Variants in GABRR1 observed in about 807,000 individuals in gnomAD.
The protein encoded by GABRR1 is gamma-aminobutyric acid receptor subunit rho-1.
Under a neutral mutation model 55.5 loss-of-function variants are expected in GABRR1, and 59 were observed. The ratio of observed to expected loss-of-function variants is 1.06; its 90% CI spans 0.86 to 1.32. The LOEUF (loss-of-function observed/expected upper bound fraction) is 1.32. Among genes scored for constraint, GABRR1 ranks in the 40% most tolerant of loss-of-function variants. The pLI is 0.00. For missense variants in GABRR1, 602 were observed against 619.1 expected (o/e 0.97, Z 0.29); for synonymous variants, 213 against 226.0 (o/e 0.94, Z 0.51).
At chr6:89,190,486 CTT>C (rs1426785854) in intron 5 of GABRR1, among the ~76,000 whole-genome samples, 1 of 152,118 alleles carries the variant, frequency 6.6e-6, no homozygotes, top group African/African-American at 2.4e-5. Flanking sequence ...TCTACTAACT[CTT>C]ATCACATTCA....
intron 5 of GABRR1, among the ~76,000 whole-genome samples, chr6:89,190,796 A>T (rs1772062826): frequency 6.6e-6 from 1 of 152,236 alleles, no homozygotes; most frequent in Admixed American, 6.5e-5. Flanking sequence ...CTTGGAGATC[A>T]AAGTAATGGA....
chr6:89,187,822 A>G (rs542982881), intron 6 of GABRR1, among the ~76,000 whole-genome samples: 22 of 152,074 alleles, frequency 1.4e-4, no homozygotes, highest in Admixed American at 1.4e-3. Flanking sequence ...AAGGCCGAAC[A>G]CTCTTCCACT....
chr6:89,195,042 G>A (rs1772216832), intron 5 of GABRR1, among the ~76,000 whole-genome samples: 1 of 152,076 alleles, frequency 6.6e-6, no homozygotes, highest in Admixed American at 6.6e-5. Flanking sequence ...GAAGGTCTGA[G>A]GACACCAAAC....
chr6:89,231,133 C>A (rs1049307474), intron 1 of GABRR1: 2 of 153,520 alleles, frequency 1.3e-5, no homozygotes, highest in South Asian at 2.0e-4. Context: ...GCGCACGGTG[C>A]GCGCACCCAC....
intron 5 of GABRR1, among the ~76,000 whole-genome samples, chr6:89,197,256 G>T (rs1257171500): frequency 6.6e-6 from 1 of 152,174 alleles, no homozygotes; most frequent in East Asian, 1.9e-4. Flanking sequence ...CCATTCATCA[G>T]CACGGAAGCC....
intron 1 of GABRR1, among the ~76,000 whole-genome samples, chr6:89,230,964 G>A (rs1439967622): frequency 3.3e-5 from 5 of 151,762 alleles, no homozygotes; most frequent in Non-Finnish European, 7.4e-5. Flanking sequence ...ATAGTCTCGT[G>A]GTGCGCCGTT....
rs1375306137 is a variant in GABRR1 at position 89,199,355 on chromosome 6, C to T, written c.348+7G>A. On this transcript the variant is annotated splice_region_variant and intron_variant, in intron 4 of 9. Coordinates refer to ENST00000454853, the MANE Select transcript of GABRR1 (RefSeq NM_002042.5). ...CCTGCCACGGCCCTGGTCAGAGAAGCACTTACCATGTCAACCTCTGAGATG... is the reference window on the plus strand; with the variant it reads ...CCTGCCACGGCCCTGGTCAGAGAAGTACTTACCATGTCAACCTCTGAGATG... The T allele has an allele frequency of 6.2e-7, 1 of 1,613,388 alleles. No individual in the cohort carries two copies. The highest frequency in any genetic ancestry group is 8.5e-7 in the Non-Finnish European group (1 of 1,179,586).
chr6:89,194,060 G>T lies in GABRR1; in HGVS notation c.573-3813C>A, dbSNP rs186471222. ...GATTTGTCCTTACCTTAACCAACAGGAAGCATCATGATTGCCTGAAGGGAG... is the reference window on the plus strand; with the variant it reads ...GATTTGTCCTTACCTTAACCAACAGTAAGCATCATGATTGCCTGAAGGGAG... On this transcript the variant is annotated intron_variant, in intron 5 of 9. Coordinates refer to ENST00000454853, the MANE Select transcript of GABRR1 (RefSeq NM_002042.5). Among the ~76,000 whole-genome samples, 241 of 152,272 alleles carry T rather than the reference G, an allele frequency of 1.6e-3. 1 individual carries two copies. The highest frequency in any genetic ancestry group is 5.4e-3 in the African/African-American group (226 of 41,562).
chr6:89,182,189 G>C, intron 7 of GABRR1, 132 bp from the exon 8 acceptor site: 1 of 815,152 alleles, frequency 1.2e-6, no homozygotes, highest in South Asian at 2.2e-5. Context: ...GAAATTGAGA[G>C]AAATCATGAA....
chr6:89,216,333 T>G (rs1772980102), intron 1 of GABRR1, among the ~76,000 whole-genome samples: 1 of 152,182 alleles, frequency 6.6e-6, no homozygotes, highest in Non-Finnish European at 1.5e-5. Flanking sequence ...TCTATTTATA[T>G]TTACACTCAA....
intron 1 of GABRR1, among the ~76,000 whole-genome samples, chr6:89,230,857 C>T (rs1277961419): frequency 6.7e-6 from 1 of 149,742 alleles, no homozygotes; most frequent in Non-Finnish European, 1.5e-5. Flanking sequence ...CACCCCTCCC[C>T]CAGCCTCGCT....
At chr6:89,196,881 G>GAAAGAAAGAAAGAAA (rs57085890) in intron 5 of GABRR1, among the ~76,000 whole-genome samples, 1 of 95,230 alleles carries the variant, frequency 1.1e-5, no homozygotes, top group African/African-American at 3.6e-5. Flanking sequence ...GAAAGAAAGA[G>GAAAGAAAGAAAGAAA]AAGAGAAGAA....
chr6:89,202,474 T>C (rs1473475359), intron 2 of GABRR1, among the ~76,000 whole-genome samples: 3 of 151,862 alleles, frequency 2.0e-5, no homozygotes, highest in African/African-American at 7.3e-5. Context: ...ATATTTTTAG[T>C]AGAGACAGGG....
chr6:89,186,775 T>C (rs1403064440), intron 6 of GABRR1, among the ~76,000 whole-genome samples: 1 of 152,226 alleles, frequency 6.6e-6, no homozygotes, highest in African/African-American at 2.4e-5. Context: ...TTGTGAGGGT[T>C]GAATGACAAG....
chr6:89,185,269 C>T, intron 7 of GABRR1, 41 bp downstream of exon 7: 1 of 1,613,128 alleles, frequency 6.2e-7, no homozygotes. Flanking sequence ...GGAGACCAAG[C>T]TGAAGCCTGC....
intron 1 of GABRR1, among the ~76,000 whole-genome samples, chr6:89,223,213 C>G (rs1468233642): frequency 6.6e-6 from 1 of 152,136 alleles, no homozygotes; most frequent in Non-Finnish European, 1.5e-5. Context: ...CCCACCCTTT[C>G]CCCGAGTCCT....
chr6:89,191,817 G>C (rs1269868642), intron 5 of GABRR1, among the ~76,000 whole-genome samples: 3 of 152,164 alleles, frequency 2.0e-5, no homozygotes, highest in East Asian at 1.9e-4. Context: ...GTTTTGGTCT[G>C]AGGTATTCAT....
chr6:89,197,472 T>C (rs1219692312), intron 5 of GABRR1, among the ~76,000 whole-genome samples: 1 of 152,254 alleles, frequency 6.6e-6, no homozygotes, highest in Non-Finnish European at 1.5e-5. Context: ...CAGCGCTTCA[T>C]GAGCAATTAA....
intron 5 of GABRR1, 78 bp from the exon 6 acceptor site, chr6:89,190,325 T>A: frequency 1.0e-6 from 1 of 959,092 alleles, no homozygotes; most frequent in South Asian, 1.5e-5. Context: ...AAAAGGCCTC[T>A]GCTTCCTTCC....
Sources: gnomAD v4.1 joint callset for allele counts (sites outside exome capture counted in the v4.1 genomes callset) on GRCh38, gnomAD v4.1.1 for gene constraint, MANE v1.5 for transcripts, NCBI Gene and HGNC (gene_info 2026-07-23, HGNC 2026-07-21) for gene names.